The following NSUN6 variants were observed in gnomAD, a reference collection of about 807,000 sequenced individuals.
NSUN6 encodes NOP2/Sun RNA methyltransferase 6.
Under a neutral mutation model 58.0 loss-of-function variants are expected in NSUN6, and 64 were observed. That is an observed-to-expected ratio of 1.10 (90% CI 0.90 to 1.36). The LOEUF (loss-of-function observed/expected upper bound fraction) is 1.36. NSUN6 is among the 40% of genes most tolerant of loss of function. NSUN6 has a pLI of 0.00. For missense variants in NSUN6, 701 were observed against 550.1 expected (o/e 1.27, Z -2.74); for synonymous variants, 231 against 193.9 (o/e 1.19, Z -1.59).
In NSUN6 at chr10:18,546,072, A is replaced by C. The variant is rs1371526968; in HGVS notation, c.1271T>G (p.Phe424Cys). Residue 424 changes from phenylalanine to cysteine, a missense_variant, in exon 11 of 11, where the codon TTT (phenylalanine) becomes TGT (cysteine). Physicochemically the swap from Phe to Cys is radical, Grantham distance 205. Transcript: ENST00000377304. ...CGGTAATGGCACAGCCGATGGATCAAATCGCTGCAGCTGTTTCAACTGTTC... is the reference window on the plus strand; with the variant it reads ...CGGTAATGGCACAGCCGATGGATCACATCGCTGCAGCTGTTTCAACTGTTC... ...SCEQLKQLQR[F>C]DPSAVPLPDT... 1 of 1,609,306 alleles carries C rather than the reference A, an allele frequency of 6.2e-7. No homozygotes were observed. Among genetic ancestry groups the C allele is most frequent in the East Asian group, 2.2e-5 (1 of 44,852 alleles).
At chr10:18,631,227 T>C (rs1241892353) in intron 3 of NSUN6, among the ~76,000 whole-genome samples, 1 of 151,324 alleles carries the variant, frequency 6.6e-6, no homozygotes, top group Non-Finnish European at 1.5e-5. Context: ...AAACTCTCAA[T>C]AAATTAGGTA....
chr10:18,586,687 G>A (rs1470015561), intron 7 of NSUN6, among the ~76,000 whole-genome samples: 1 of 152,248 alleles, frequency 6.6e-6, no homozygotes, highest in African/African-American at 2.4e-5. Context: ...CACAAAGGTA[G>A]TGCAGACCCA....
At chr10:18,630,130 T>A in intron 3 of NSUN6, among the ~76,000 whole-genome samples, 1 of 130,772 alleles carries the variant, frequency 7.6e-6, no homozygotes, top group East Asian at 2.3e-4. Context: ...ACATGGAAAC[T>A]GAACAACCTG....
At position 18,545,867 on chromosome 10, in the gene NSUN6, T is replaced by TAAAAAA; in HGVS notation, c.*65_*66insTTTTTT. On this transcript the variant is annotated 3_prime_UTR_variant, in exon 11 of 11. Transcript: ENST00000377304. ...TTCAGTTGGCCTGACAACACTTTGG[T>TAAAAAA]TAAAAAAAAAAAAACCACAGACAGC... is the stretch of plus-strand genomic sequence containing the variant. 1 of 244,566 alleles carries TAAAAAA rather than the reference T, an allele frequency of 4.1e-6. No individual in the cohort carries two copies. 15.1% of individuals were successfully genotyped at this position (244,566 alleles called of 1,614,324 possible).
rs1194971884 is a variant in NSUN6, at chr10:18,651,441, A to G, written c.-238T>C. 2.1e-5 allele frequency: 26 copies of G among 1,214,886 alleles called. No homozygotes were observed. The East Asian group carries it at 2.2e-4, about 10-fold the overall frequency. 75.3% of individuals were successfully genotyped at this position (1,214,886 alleles called of 1,614,324 possible). ...ATCGAGGCAATGTTTTCTGGTAGAG[A>G]TGCTCATGGAAATCACTGAGCCAAT... On this transcript the variant is annotated 5_prime_UTR_variant, in exon 1 of 11. Transcript: ENST00000377304.
intron 6 of NSUN6, among the ~76,000 whole-genome samples, chr10:18,609,456 C>T (rs1391903303): frequency 6.6e-6 from 1 of 152,134 alleles, no homozygotes; most frequent in East Asian, 1.9e-4. Flanking sequence ...TCTTCAGTAA[C>T]TTCATCTTAT....
chr10:18,585,646 G>A (rs979059447), intron 8 of NSUN6, among the ~76,000 whole-genome samples: 1 of 152,208 alleles, frequency 6.6e-6, no homozygotes, highest in African/African-American at 2.4e-5. Flanking sequence ...GAGGCTGGGG[G>A]AGGAGGGAGG....
intron 8 of NSUN6, among the ~76,000 whole-genome samples, chr10:18,571,040 T>A (rs2056330806): frequency 6.6e-6 from 1 of 150,914 alleles, no homozygotes; most frequent in Non-Finnish European, 1.5e-5. Flanking sequence ...TTCTCTACTT[T>A]CCATTCCACT....
chr10:18,631,145 A>G (rs997962222), intron 3 of NSUN6, among the ~76,000 whole-genome samples: 3 of 152,216 alleles, frequency 2.0e-5, no homozygotes, highest in Admixed American at 6.5e-5. Flanking sequence ...AGAACCAAAG[A>G]CAAAAACCAC....
intron 6 of NSUN6, among the ~76,000 whole-genome samples, chr10:18,605,833 G>A (rs949117301): frequency 1.4e-4 from 22 of 152,234 alleles, no homozygotes; most frequent in Admixed American, 7.9e-4. Context: ...TTATGACAGG[G>A]ATCTAATAAA....
At chr10:18,577,253 C>T (rs2131033897) in intron 8 of NSUN6, among the ~76,000 whole-genome samples, 1 of 152,258 alleles carries the variant, frequency 6.6e-6, no homozygotes, top group African/African-American at 2.4e-5. Flanking sequence ...GTACCTTCAT[C>T]CCAAACACCA....
chr10:18,586,123 A>G lies in NSUN6; in HGVS notation c.778-30T>C, dbSNP rs556940185. 176 of 1,145,816 alleles carry G rather than the reference A, an allele frequency of 1.5e-4. 1 individual carries two copies. In the East Asian group the frequency reaches 4.0e-3, roughly 26 times the overall value. 71.0% of individuals were successfully genotyped at this position (1,145,816 alleles called of 1,614,324 possible). ...AAAGAAACAAAACACACACATGCAG[A>G]AAAAAAAAAAGAAAATTATAAATCC... On this transcript the variant is annotated intron_variant, in intron 7 of 10. Coordinates refer to ENST00000377304, the MANE Select transcript of NSUN6 (RefSeq NM_182543.5).
Position 18,550,031 on chromosome 10 carries a change from C to T in NSUN6, c.1071+1792G>A, listed in dbSNP as rs117952697. ...AGAGCCATGGCTCAAGTCAACAAGG[C>T]TCAAGTCCACATTCTCGATTTCTCT... On this transcript the variant is annotated intron_variant, in intron 9 of 10. Transcript: ENST00000377304. Among the ~76,000 whole-genome samples, 118 of 152,304 alleles carry T rather than the reference C, an allele frequency of 7.7e-4. 2 individuals are homozygous for T. The East Asian group carries it at 0.017, about 21-fold the overall frequency.
At chr10:18,574,396 C>T (rs1303273639) in intron 8 of NSUN6, among the ~76,000 whole-genome samples, 1 of 152,100 alleles carries the variant, frequency 6.6e-6, no homozygotes, top group Non-Finnish European at 1.5e-5. Context: ...AAAATTCACT[C>T]AACCCAGCAG....
upstream of NSUN6, among the ~76,000 whole-genome samples, chr10:18,656,770 AAAGGAAGTTATTTCCAATGAACACTTAAG>A (rs2059781840): frequency 6.6e-6 from 1 of 151,482 alleles, no homozygotes; most frequent in East Asian, 1.9e-4. Context: ...CAATTTAATT[AAAGGAAGTTATTTCCAATGAACACTTAAG>A]AAAATTAGTT....
intron 3 of NSUN6, among the ~76,000 whole-genome samples, chr10:18,623,584 T>A (rs976670674): frequency 1.3e-5 from 2 of 152,160 alleles, no homozygotes; most frequent in African/African-American, 2.4e-5. Context: ...AGGAATGTCT[T>A]ACCAGTATCC....
At chr10:18,559,931 T>G (rs1486577694) in intron 8 of NSUN6, among the ~76,000 whole-genome samples, 1 of 147,250 alleles carries the variant, frequency 6.8e-6, no homozygotes, top group Non-Finnish European at 1.5e-5. Context: ...TGGAATGGAA[T>G]GGAGAATGGA....
At position 18,545,679 on chromosome 10, in the gene NSUN6, A is replaced by G. The variant is rs1466687157; in HGVS notation, c.*254T>C. 3.3e-5 allele frequency: 11 copies of G among 337,152 alleles called. No individual in the cohort carries two copies. The highest frequency in any genetic ancestry group is 5.8e-5 in the Non-Finnish European group (11 of 188,626). The allele number at this position is 337,152 out of a possible 1,614,324, so 20.9% of individuals were successfully genotyped here. On this transcript the variant is annotated 3_prime_UTR_variant, in exon 11 of 11. Transcript: ENST00000377304. ...AAATGAAAATATGCTCCAGACATCT[A>G]TAGGCATCTGCTTTTCTTTATACTC...
intron 2 of NSUN6, among the ~76,000 whole-genome samples, chr10:18,646,838 A>G (rs1377035037): frequency 6.6e-6 from 1 of 152,326 alleles, no homozygotes; most frequent in Non-Finnish European, 1.5e-5. Context: ...CTCAAAACAA[A>G]ACAAAAAAAA....
Sources: gnomAD v4.1 joint callset for allele counts (sites outside exome capture counted in the v4.1 genomes callset) on GRCh38, gnomAD v4.1.1 for gene constraint, MANE v1.5 for transcripts, NCBI Gene and HGNC (gene_info 2026-07-23, HGNC 2026-07-21) for gene names.